Variants in RETREG1 observed in about 807,000 individuals in gnomAD.
RETREG1 encodes family with sequence similarity 134 member B.
A neutral mutation model predicts 54.8 loss-of-function variants in RETREG1; 44 were observed. That is an observed-to-expected ratio of 0.80 (90% CI 0.63 to 1.03). The LOEUF (loss-of-function observed/expected upper bound fraction) is 1.03. Among genes scored for constraint, RETREG1 ranks in the 50% least tolerant of loss-of-function variants. RETREG1 has a pLI of 0.00. For missense variants in RETREG1, 554 were observed against 605.1 expected (o/e 0.92, Z 0.89); for synonymous variants, 217 against 238.5 (o/e 0.91, Z 0.83).
At chr5:16,559,966 G>A (rs1416317992) in intron 3 of RETREG1, among the ~76,000 whole-genome samples, 2 of 152,214 alleles carry the variant, frequency 1.3e-5, no homozygotes, top group African/African-American at 4.8e-5. Flanking sequence ...TGTAGAGTTA[G>A]TGTTTATTAA....
At chr5:16,539,674 G>A (rs1436341895) in intron 3 of RETREG1, among the ~76,000 whole-genome samples, 5 of 152,078 alleles carry the variant, frequency 3.3e-5, no homozygotes, top group African/African-American at 7.2e-5. Context: ...TCCCGGTACC[G>A]GGGCCCTGAT....
chr5:16,562,987 T>TG (rs1741904757), intron 3 of RETREG1, among the ~76,000 whole-genome samples: 2 of 149,192 alleles, frequency 1.3e-5, no homozygotes, highest in African/African-American at 4.9e-5. Context: ...AATGGGGGGA[T>TG]GGGGGGGACT....
At chr5:16,567,236 G>A (rs1380016970) in intron 2 of RETREG1, among the ~76,000 whole-genome samples, 4 of 152,198 alleles carry the variant, frequency 2.6e-5, no homozygotes, top group Non-Finnish European at 5.9e-5. Context: ...CCATCCAAGA[G>A]TCAAAGAGCT....
chr5:16,558,195 G>C (rs1426949040), intron 3 of RETREG1, among the ~76,000 whole-genome samples: 2 of 152,154 alleles, frequency 1.3e-5, no homozygotes, highest in Admixed American at 1.3e-4. Flanking sequence ...AGGAGTTTGA[G>C]GCTGCAGTGA....
chr5:16,591,373 C>A (rs1742768580), intron 1 of RETREG1, among the ~76,000 whole-genome samples: 1 of 152,122 alleles, frequency 6.6e-6, no homozygotes, highest in Non-Finnish European at 1.5e-5. Context: ...CACAGGTAAC[C>A]ACCCCATGCT....
chr5:16,602,210 A>T (rs1333673094), intron 1 of RETREG1, among the ~76,000 whole-genome samples: 1 of 152,032 alleles, frequency 6.6e-6, no homozygotes, highest in Non-Finnish European at 1.5e-5. Context: ...AAAACCTTAC[A>T]CTCTCATGAA....
rs1437065438 is a variant in RETREG1 at position 16,478,949 on chromosome 5, C to A, written c.709G>T (p.Asp237Tyr). Residue 237 changes from aspartate (D) to tyrosine (Y), a missense_variant, in exon 6 of 9, where the codon GAT becomes TAT. This residue lies in a region of RETREG1 where 347 missense variants were observed against 412.3 expected (regional missense o/e 0.84). Coordinates refer to ENST00000306320, the MANE Select transcript of RETREG1 (RefSeq NM_001034850.3). Reference sequence around the variant, plus strand: ...TTGCTGTAAATTTTTTGTCCAATATCATTACATTTAAACAATGGACACAAA... The same window carrying A: ...TTGCTGTAAATTTTTTGTCCAATATAATTACATTTAAACAATGGACACAAA... ...AFLCPLFKCN[D>Y]IGQKIYSKIK... is the part of the protein sequence containing the mutation. 6.2e-7 allele frequency: 1 copy of A among 1,612,100 alleles called. No individual in the cohort carries two copies. The highest frequency in any genetic ancestry group is 1.1e-5 in the South Asian group (1 of 91,008).
At chr5:16,608,767 AG>A (rs1222223808) in intron 1 of RETREG1, among the ~76,000 whole-genome samples, 1 of 152,198 alleles carries the variant, frequency 6.6e-6, no homozygotes. Context: ...AGATAAGGCG[AG>A]GAACTTGGAC....
At chr5:16,522,466 C>T (rs192454566) in intron 3 of RETREG1, among the ~76,000 whole-genome samples, 15 of 152,206 alleles carry the variant, frequency 9.9e-5, no homozygotes, top group Admixed American at 6.5e-4. Flanking sequence ...TCACTTCTAT[C>T]GGGGTATGAG....
intron 3 of RETREG1, among the ~76,000 whole-genome samples, chr5:16,485,289 T>A (rs979377650): frequency 6.6e-6 from 1 of 152,168 alleles, no homozygotes; most frequent in Non-Finnish European, 1.5e-5. Context: ...GCATTTGAAC[T>A]GTTTGCCCAA....
intron 3 of RETREG1, among the ~76,000 whole-genome samples, chr5:16,500,519 G>C (rs1739664887): frequency 6.6e-6 from 1 of 152,134 alleles, no homozygotes. Flanking sequence ...TGCTAGAGGA[G>C]AGCTGAAATT....
chr5:16,576,397 A>G (rs963559306), intron 1 of RETREG1, among the ~76,000 whole-genome samples: 5 of 151,536 alleles, frequency 3.3e-5, no homozygotes, highest in African/African-American at 1.2e-4. Context: ...GGTTCAAGCA[A>G]TTCTCCTGCC....
intron 1 of RETREG1, among the ~76,000 whole-genome samples, chr5:16,583,120 C>T (rs1314728746): frequency 1.3e-5 from 2 of 152,108 alleles, no homozygotes; most frequent in Non-Finnish European, 1.5e-5. Context: ...ACAATTTACA[C>T]GATGAAAAAT....
chr5:16,613,528 A>T (rs1743409703), intron 1 of RETREG1, among the ~76,000 whole-genome samples: 1 of 152,172 alleles, frequency 6.6e-6, no homozygotes, highest in African/African-American at 2.4e-5. Context: ...CTGTGTCACA[A>T]TTTTTGCCCA....
chr5:16,493,456 A>G (rs1157946308), intron 3 of RETREG1, among the ~76,000 whole-genome samples: 1 of 152,180 alleles, frequency 6.6e-6, no homozygotes, highest in African/African-American at 2.4e-5. Flanking sequence ...GAATGCCAAG[A>G]TTTGCTTCAA....
In RETREG1 at chr5:16,555,475, A is replaced by G. The variant is rs569271984; in HGVS notation, c.458+10288T>C. ...CCTGTTTTTACATTTTTTCCCTTTC[A>G]CAAATGCTGAGAAGATGGTCTGACA... On this transcript the variant is annotated intron_variant, in intron 3 of 8. Coordinates refer to ENST00000306320, the MANE Select transcript of RETREG1 (RefSeq NM_001034850.3). Among the ~76,000 whole-genome samples the G allele has an allele frequency of 4.6e-5, 7 of 152,272 alleles. No homozygotes were observed. The East Asian group carries it at 1.3e-3, about 29-fold the overall frequency.
chr5:16,526,210 G>T (rs981763540), intron 3 of RETREG1, among the ~76,000 whole-genome samples: 1 of 152,218 alleles, frequency 6.6e-6, no homozygotes, highest in African/African-American at 2.4e-5. Flanking sequence ...ATTCTGTAGA[G>T]AAATATTTTG....
chr5:16,485,135 C>T (rs1738964962), intron 3 of RETREG1, among the ~76,000 whole-genome samples: 1 of 152,094 alleles, frequency 6.6e-6, no homozygotes, highest in African/African-American at 2.4e-5. Context: ...TATTAAAATG[C>T]AGTCTGTTTT....
chr5:16,609,544 C>T (rs1463504313), intron 1 of RETREG1, among the ~76,000 whole-genome samples: 3 of 152,248 alleles, frequency 2.0e-5, no homozygotes, highest in Non-Finnish European at 2.9e-5. Flanking sequence ...GCTAGAAGGA[C>T]GCCATCCAGG....
Sources: allele counts gnomAD v4.1 joint callset (sites outside exome capture counted in the v4.1 genomes callset), GRCh38; gene constraint gnomAD v4.1.1; regional missense constraint gnomAD v4.1.1; transcripts MANE v1.5; gene names NCBI Gene and HGNC (gene_info 2026-07-23, HGNC 2026-07-21).